FBXO24: variants seen among roughly 807,000 people sequenced by gnomAD.
The protein encoded by FBXO24 is F-box protein 24, also known as F-box only protein 24.
Under a neutral mutation model 63.5 loss-of-function variants are expected in FBXO24, and 30 were observed. The observed-to-expected ratio is 0.47, with a 90% CI of 0.35 to 0.64. FBXO24 has a LOEUF of 0.64. Among genes scored for constraint, FBXO24 ranks in the 30% least tolerant of loss-of-function variants. The pLI, the probability that FBXO24 is intolerant of heterozygous loss-of-function variation, is 0.00. For synonymous variants in FBXO24, 300 were observed against 305.0 expected, an observed-to-expected ratio of 0.98 and a Z score of 0.17; for missense variants, 624 against 763.4, an observed-to-expected ratio of 0.82 and a Z score of 2.15.
chr7:100,591,031 ATTTT>A (rs930978218), intron 3 of FBXO24, among the ~76,000 whole-genome samples: 6 of 86,668 alleles, frequency 6.9e-5, no homozygotes, highest in African/African-American at 2.3e-4. Flanking sequence ...TTTTTCTTTG[ATTTT>A]TTTTTTTTTT....
At chr7:100,589,464 G>C in intron 1 of FBXO24, 9 of 1,265,160 alleles carry the variant, frequency 7.1e-6, no homozygotes, top group Non-Finnish European at 9.0e-6. Context: ...GTGATGGCTA[G>C]AACTGAGCTA....
intron 7 of FBXO24, 89 bp downstream of exon 7, chr7:100,595,312 C>T (rs1584429497): frequency 6.3e-7 from 1 of 1,588,934 alleles, no homozygotes; most frequent in South Asian, 1.1e-5. Flanking sequence ...GATTATTGAT[C>T]CAGAGGGGCA....
intron 8 of FBXO24, among the ~76,000 whole-genome samples, chr7:100,598,945 C>CTTCA (rs1802445242): frequency 1.3e-5 from 2 of 150,586 alleles, no homozygotes; most frequent in Non-Finnish European, 1.5e-5. Flanking sequence ...TGCCACTGCA[C>CTTCA]TTCAGCTTGG....
chr7:100,595,388 G>C (rs1451646631), intron 7 of FBXO24, among the ~76,000 whole-genome samples, 165 bp downstream of exon 7: 1 of 152,120 alleles, frequency 6.6e-6, no homozygotes, highest in Non-Finnish European at 1.5e-5. Context: ...GGGAGGCTGA[G>C]GAGGGAGTAT....
At chr7:100,589,455 TG>T in intron 1 of FBXO24, 1 of 1,250,998 alleles carries the variant, frequency 8.0e-7, no homozygotes, top group Non-Finnish European at 1.0e-6. Context: ...TTGAGCCATG[TG>T]ATGGCTAGAA....
At position 100,590,353 on chromosome 7, in the gene FBXO24, G is replaced by C. The variant is rs1057510343; in HGVS notation, c.318G>C (p.Leu106=). The part of the protein sequence containing the change: ...GVRPWKRAAI[L]NYTKGLYFQA... ...GGCCCTGGAAGAGAGCTGCCATTCT[G>C]AACTGTACACCTTCCCCAGAACCTC... The change falls in exon 3 of 10, where the codon CTG becomes CTC. Residue 106 remains leucine, a synonymous_variant. Transcript: ENST00000241071. 2 of 1,610,406 alleles carry C rather than the reference G, an allele frequency of 1.2e-6. No individual in the cohort carries two copies. The highest frequency in any genetic ancestry group is 1.7e-6 in the Non-Finnish European group (2 of 1,177,786).
At position 100,599,982 on chromosome 7, in the gene FBXO24, C is replaced by A. The variant is rs962335110; in HGVS notation, c.1207-49C>A. ...GTCAACCTTTTCCCACCCCAGCCCC[C>A]CCGTCCCTTGGTGCTCCCTGCTCAG... On this transcript the variant is annotated intron_variant, in intron 8 of 9. Coordinates refer to ENST00000241071, the MANE Select transcript of FBXO24 (RefSeq NM_033506.3). 41 of 1,504,520 alleles carry A rather than the reference C, an allele frequency of 2.7e-5. No homozygotes were observed. The Middle Eastern group carries it at 1.4e-3, about 52-fold the overall frequency. The allele number at this position is 1,504,520 out of a possible 1,614,324, so 93.2% of individuals were successfully genotyped here.
intron 1 of FBXO24, chr7:100,589,768 T>A: frequency 6.5e-7 from 1 of 1,540,938 alleles, no homozygotes; most frequent in Non-Finnish European, 8.8e-7. Context: ...TTCACCAGGC[T>A]GTGTGGACGG....
rs73407349 is a variant in FBXO24 at position 100,599,925 on chromosome 7, C to T, written c.1207-106C>T. The T allele has an allele frequency of 1.9e-3, 2,426 of 1,303,106 alleles. 40 individuals are homozygous for T. The African/African-American group carries it at 0.032, about 17-fold the overall frequency. 80.7% of individuals were successfully genotyped at this position (1,303,106 alleles called of 1,614,324 possible). A position where few individuals can be genotyped will look rare whatever the true frequency, so the allele number is the denominator to read the frequency against. ...GGGACAGTGCTGGCTCCCATTTCCT[C>T]CTCCCCAGTTCATTCTGCCCCGAGC... On this transcript the variant is annotated intron_variant, in intron 8 of 9. Transcript: ENST00000241071.
chr7:100,592,736 C>A, intron 4 of FBXO24, 47 bp from the exon 5 acceptor site: 1 of 1,498,030 alleles, frequency 6.7e-7, no homozygotes, highest in Non-Finnish European at 9.2e-7. Flanking sequence ...CCAGCCCCAT[C>A]CCATTTTGAA....
Position 100,592,890 on chromosome 7 carries a change from C to T in FBXO24, c.666C>T (p.Asp222=). 1 of 1,614,214 alleles carries T rather than the reference C, an allele frequency of 6.2e-7. No homozygotes were observed. Among genetic ancestry groups the T allele is most frequent in the Non-Finnish European group, 8.5e-7 (1 of 1,180,058 alleles). ...VVGTTSSRAC[D]CVEVYLQSSG... is the part of the protein sequence containing the mutation. ...GTACCACCAGCAGCCGGGCCTGTGA[C>T]TGTGTTGAGGTCTATCTGCAGTCTA... The change falls in exon 5 of 10, where the codon GAC becomes GAT. Residue 222 remains aspartate (D), a synonymous_variant. Coordinates refer to ENST00000241071, the MANE Select transcript of FBXO24 (RefSeq NM_033506.3).
chr7:100,595,761 C>T (rs986957203), intron 8 of FBXO24, 55 bp downstream of exon 8: 236 of 1,519,752 alleles, frequency 1.6e-4, no homozygotes, highest in Non-Finnish European at 1.9e-4. Flanking sequence ...AATTCCCTAA[C>T]CCCCAGATCT....
Position 100,600,382 on chromosome 7 carries a change from G to C in FBXO24, c.1378-152G>C, listed in dbSNP as rs533521289. The C allele has an allele frequency of 3.1e-5, 44 of 1,438,230 alleles. No individual in the cohort carries two copies. The East Asian group carries it at 8.9e-4, about 29-fold the overall frequency. 89.1% of individuals were successfully genotyped at this position (1,438,230 alleles called of 1,614,324 possible). On this transcript the variant is annotated intron_variant, in intron 9 of 9. Transcript: ENST00000241071. The surrounding 1 kb of genome is among the most constrained non-coding windows in gnomAD (Gnocchi z 6.3). ...GCTTTCTCCCTTAGCAGACTGTGCT[G>C]GCCTTGCCCAACCTCACACACCCCT...
chr7:100,600,713 C>G lies in FBXO24; in HGVS notation c.1557C>G (p.Cys519Trp). The G allele has an allele frequency of 6.2e-7, 1 of 1,614,150 alleles. No individual in the cohort carries two copies. The highest frequency in any genetic ancestry group is 8.5e-7 in the Non-Finnish European group (1 of 1,180,016). Residue 519 changes from cysteine to tryptophan, a missense_variant, in exon 10 of 10, where the codon TGC (cysteine) becomes TGG (tryptophan). Transcript: ENST00000241071. This position sits in a 1 kb window ranked among gnomAD's most constrained non-coding sequence, Gnocchi z 6.3. ...ACCCCGGGGGGATGGCCCAGGCCTG[C>G]GAGGAGTACCTCAGCCAGATCCACA... is the stretch of plus-strand genomic sequence containing the variant. Reference protein sequence around the residue: ...PQDPGGMAQACEEYLSQIHSC... With the variant: ...PQDPGGMAQAWEEYLSQIHSC...
chr7:100,589,319 C>G (rs1009079478), intron 1 of FBXO24: 15 of 940,980 alleles, frequency 1.6e-5, no homozygotes, highest in Non-Finnish European at 1.8e-5. Context: ...GAGGAATTCA[C>G]TAGTGTTTCT....
chr7:100,586,764 T>C, intron 1 of FBXO24, 100 bp downstream of exon 1: 10 of 1,342,586 alleles, frequency 7.4e-6, no homozygotes, highest in East Asian at 2.3e-5. Context: ...GAGCTGGACG[T>C]GTTAGGGGGC....
intron 5 of FBXO24, among the ~76,000 whole-genome samples, chr7:100,593,461 TA>T (rs1029643308): frequency 6.7e-6 from 1 of 150,342 alleles, no homozygotes; most frequent in Non-Finnish European, 1.5e-5. Flanking sequence ...CTGACTCTAC[TA>T]AAAAAAAATA....
chr7:100,597,227 C>T (rs1802354576), intron 8 of FBXO24, among the ~76,000 whole-genome samples: 2 of 151,932 alleles, frequency 1.3e-5, no homozygotes, highest in Non-Finnish European at 1.5e-5. Flanking sequence ...TAACACTGTC[C>T]CAGAAGCCAC....
Position 100,592,767 on chromosome 7 carries a change from T to G in FBXO24, c.559-16T>G. On this transcript the variant is annotated splice_polypyrimidine_tract_variant and intron_variant, in intron 4 of 9. Coordinates refer to ENST00000241071, the MANE Select transcript of FBXO24 (RefSeq NM_033506.3). Reference sequence around the variant, plus strand: ...TTGAAACTCTAGATCCCAGACGCCCTCATCTTTTCCCCCAGTTTGCCTCGG... The same window carrying G: ...TTGAAACTCTAGATCCCAGACGCCCGCATCTTTTCCCCCAGTTTGCCTCGG... 1 of 1,607,756 alleles carries G rather than the reference T, an allele frequency of 6.2e-7. No individual in the cohort carries two copies. The highest frequency in any genetic ancestry group is 8.5e-7 in the Non-Finnish European group (1 of 1,175,264).
Sources: gnomAD v4.1 joint callset for allele counts (sites outside exome capture counted in the v4.1 genomes callset) on GRCh38, gnomAD v4.1.1 for gene constraint, Gnocchi (gnomAD v3.1) non-coding constraint, MANE v1.5 for transcripts, NCBI Gene and HGNC (gene_info 2026-07-23, HGNC 2026-07-21) for gene names.